The following SORCS3 variants were observed in gnomAD, a reference collection of about 807,000 sequenced individuals.
SORCS3 encodes sortilin related VPS10 domain containing receptor 3, also known as VPS10 domain-containing receptor SorCS3.
A neutral mutation model predicts 146.3 loss-of-function variants in SORCS3; 57 were observed. The ratio of observed to expected loss-of-function variants is 0.39; its 90% confidence interval spans 0.31 to 0.49. SORCS3 has a LOEUF of 0.49. Ranked by LOEUF, SORCS3 falls within the 20% of genes least tolerant of loss-of-function variation. The probability of loss-of-function intolerance (pLI) is 0.92; values close to 1 mark genes in which losing one functional copy is unlikely to be tolerated. For missense variants in SORCS3, 1,341 were observed against 1,575.5 expected (o/e 0.85, Z 2.52); for synonymous variants, 653 against 618.5 (o/e 1.06, Z -0.83).
In SORCS3 at chr10:105,165,716, T is replaced by C. The variant is rs562333944; in HGVS notation, c.1809+1337T>C. Reference sequence around the variant, plus strand: ...GAAGCTGGAATACAAACTCATCTGGTAAAAAAAATCTCCTCATAGGCAAAC... The same window carrying C: ...GAAGCTGGAATACAAACTCATCTGGCAAAAAAAATCTCCTCATAGGCAAAC... On this transcript the variant is annotated intron_variant, in intron 12 of 26. Coordinates refer to ENST00000369701, the MANE Select transcript of SORCS3 (RefSeq NM_014978.3). Among the ~76,000 whole-genome samples, 4 of 151,980 alleles carry C rather than the reference T, an allele frequency of 2.6e-5. No homozygotes were observed. In the South Asian group the frequency reaches 8.3e-4, roughly 32 times the overall value.
intron 20 of SORCS3, among the ~76,000 whole-genome samples, chr10:105,233,175 C>A (rs2056774550): frequency 6.6e-6 from 1 of 151,482 alleles, no homozygotes; most frequent in African/African-American, 2.4e-5. Context: ...TACAATGAAT[C>A]CAAGCCCATT....
intron 5 of SORCS3, among the ~76,000 whole-genome samples, chr10:105,070,852 A>T (rs1051125452): frequency 2.0e-5 from 3 of 152,244 alleles, no homozygotes; most frequent in African/African-American, 7.2e-5. Context: ...CAGCAAGTGA[A>T]CAAATTGAAA....
At chr10:104,697,476 C>G (rs185157581) in intron 1 of SORCS3, among the ~76,000 whole-genome samples, 56 of 152,256 alleles carry the variant, frequency 3.7e-4, no homozygotes, top group Non-Finnish European at 6.5e-4. Flanking sequence ...CTGAAGTTCT[C>G]CTGGGCGAGA....
At position 105,252,761 on chromosome 10, in the gene SORCS3, G is replaced by C; in HGVS notation, c.3106-14G>C. 6.2e-7 allele frequency: 1 copy of C among 1,613,700 alleles called. No individual in the cohort carries two copies. Among genetic ancestry groups the C allele is most frequent in the Non-Finnish European group, 8.5e-7 (1 of 1,179,778 alleles). ...GCTCCTCCACAGCCTCTCTTTGTCTGAACATCTTTGCAGGTAACCAGTGTC... is the reference window on the plus strand; with the variant it reads ...GCTCCTCCACAGCCTCTCTTTGTCTCAACATCTTTGCAGGTAACCAGTGTC... On this transcript the variant is annotated splice_polypyrimidine_tract_variant and intron_variant, in intron 22 of 26. Transcript: ENST00000369701.
intron 10 of SORCS3, among the ~76,000 whole-genome samples, chr10:105,158,332 A>T (rs1263288125): frequency 1.3e-5 from 2 of 152,260 alleles, no homozygotes; most frequent in Admixed American, 1.3e-4. Context: ...AAATGAATAA[A>T]TAGAGAACAC....
At chr10:104,803,001 G>T (rs2017641031) in intron 1 of SORCS3, among the ~76,000 whole-genome samples, 1 of 152,184 alleles carries the variant, frequency 6.6e-6, no homozygotes, top group African/African-American at 2.4e-5. Flanking sequence ...AGGTCATCCA[G>T]AGACCCAGGC....
rs1280745892 is a variant in SORCS3 at position 105,264,256 on chromosome 10, G to A, written c.*882G>A. On this transcript the variant is annotated 3_prime_UTR_variant, in exon 27 of 27. Coordinates refer to ENST00000369701, the MANE Select transcript of SORCS3 (RefSeq NM_014978.3). The stretch of plus-strand genomic sequence containing the variant: ...GAATGATATGAAAGGTGAAGAAGAG[G>A]CCCACTAGAGGCTTCATACTGAGAC... The A allele has an allele frequency of 2.0e-5, 3 of 151,934 alleles. No homozygotes were observed. The highest frequency in any genetic ancestry group is 4.4e-5 in the Non-Finnish European group (3 of 68,016). 9.4% of individuals were successfully genotyped at this position (151,934 alleles called of 1,614,324 possible).
intron 2 of SORCS3, among the ~76,000 whole-genome samples, chr10:104,882,177 G>A (rs1332379213): frequency 6.6e-6 from 1 of 152,172 alleles, no homozygotes; most frequent in Non-Finnish European, 1.5e-5. Context: ...ATTGTGGGTA[G>A]AGATCCACCT....
chr10:104,735,736 A>G (rs552912956), intron 1 of SORCS3, among the ~76,000 whole-genome samples: 4 of 152,206 alleles, frequency 2.6e-5, no homozygotes, highest in African/African-American at 9.6e-5. Flanking sequence ...GGGGATGAGC[A>G]TTCCGATAAG....
intron 2 of SORCS3, among the ~76,000 whole-genome samples, chr10:104,870,485 G>A (rs1001974098): frequency 6.6e-6 from 1 of 151,966 alleles, no homozygotes; most frequent in Non-Finnish European, 1.5e-5. Context: ...TCAAAAAAAG[G>A]TAACACCTAA....
intron 18 of SORCS3, among the ~76,000 whole-genome samples, chr10:105,215,182 A>G (rs2056657756): frequency 6.6e-6 from 1 of 152,214 alleles, no homozygotes; most frequent in Non-Finnish European, 1.5e-5. Flanking sequence ...GTCTTCTGAA[A>G]TCTGGGCAGT....
rs1564783416 is a variant in SORCS3 at position 105,201,142 on chromosome 10, A to G, written c.2150A>G (p.Glu717Gly). 2.5e-6 allele frequency: 4 copies of G among 1,612,708 alleles called. No individual in the cohort carries two copies. Among genetic ancestry groups the G allele is most frequent in the Non-Finnish European group, 3.4e-6 (4 of 1,179,356 alleles). Reference sequence around the variant, plus strand: ...AAGGGAGAGCCTTGTGTCATGGGAGAAAGGAAAATATTCAAGAAACGTAAG... The same window carrying G: ...AAGGGAGAGCCTTGTGTCATGGGAGGAAGGAAAATATTCAAGAAACGTAAG... ...LNQGEPCVMG[E>G]RKIFKKRKPG... Residue 717 changes from glutamate (E) to glycine (G), a missense_variant, in exon 16 of 27, where the codon GAA becomes GGA. Transcript: ENST00000369701.
At chr10:105,067,723 G>A (rs1235531293) in intron 5 of SORCS3, among the ~76,000 whole-genome samples, 1 of 152,074 alleles carries the variant, frequency 6.6e-6, no homozygotes, top group Non-Finnish European at 1.5e-5. Flanking sequence ...ACCTCCTAAT[G>A]GCCAAATCCC....
chr10:105,238,421 A>G (rs1289139073), intron 20 of SORCS3, among the ~76,000 whole-genome samples: 1 of 152,210 alleles, frequency 6.6e-6, no homozygotes, highest in Non-Finnish European at 1.5e-5. Flanking sequence ...ATTGTTGATC[A>G]TGGAGTGAGT....
intron 1 of SORCS3, among the ~76,000 whole-genome samples, chr10:104,736,246 A>G (rs892641041): frequency 6.6e-6 from 1 of 152,090 alleles, no homozygotes; most frequent in African/African-American, 2.4e-5. Flanking sequence ...CCTCCGTGAG[A>G]CCCTCTTGTA....
intron 6 of SORCS3, among the ~76,000 whole-genome samples, chr10:105,099,872 A>T (rs2055771230): frequency 6.6e-6 from 1 of 152,142 alleles, no homozygotes; most frequent in South Asian, 2.1e-4. Flanking sequence ...TGTCTCCATC[A>T]CTGGCATAGG....
At position 105,264,569 on chromosome 10, in the gene SORCS3, A is replaced by T. The variant is rs1315410242; in HGVS notation, c.*1195A>T. On this transcript the variant is annotated 3_prime_UTR_variant, in exon 27 of 27. Transcript: ENST00000369701. ...TTGTGGAATTATGAGTTCATGCAAA[A>T]CTCTCCAGGCCAAGTAGGGGTCTAG... 6.6e-6 allele frequency: 1 copy of T among 152,514 alleles called. No individual in the cohort carries two copies. The highest frequency in any genetic ancestry group is 3.2e-3 in the Middle Eastern group (1 of 316). 9.4% of individuals were successfully genotyped at this position (152,514 alleles called of 1,614,324 possible).
intron 13 of SORCS3, among the ~76,000 whole-genome samples, chr10:105,169,750 C>G (rs2056344643): frequency 6.6e-6 from 1 of 152,086 alleles, no homozygotes; most frequent in Admixed American, 6.6e-5. Context: ...CTATTGTGGA[C>G]TGAGTAGGAC....
chr10:105,032,643 C>T (rs2692327), intron 4 of SORCS3, among the ~76,000 whole-genome samples: 6 of 151,896 alleles, frequency 4.0e-5, no homozygotes, highest in Non-Finnish European at 5.9e-5. Flanking sequence ...CCAAGTTGAA[C>T]GTAGCTATTA....
Sources: gnomAD v4.1 joint callset for allele counts (sites outside exome capture counted in the v4.1 genomes callset) on GRCh38, gnomAD v4.1.1 for gene constraint, MANE v1.5 for transcripts, NCBI Gene and HGNC (gene_info 2026-07-23, HGNC 2026-07-21) for gene names.